Variants in ARMCX4 observed in about 807,000 individuals in gnomAD.
The protein encoded by ARMCX4 is armadillo repeat containing X-linked 4, also known as armadillo repeat-containing X-linked protein 4.
In ARMCX4, 3 loss-of-function variants were observed where a neutral mutation model predicts 34.7. The ratio of observed to expected loss-of-function variants is 0.09; its 90% CI spans 0.04 to 0.22. The LOEUF is 0.22. Ranked by LOEUF, ARMCX4 falls within the 10% of genes least tolerant of loss-of-function variation. The pLI is 1.00. For synonymous variants in ARMCX4, 513 were observed against 632.8 expected (o/e 0.81, Z 2.84); for missense variants, 1,448 against 1,720.8 (o/e 0.84, Z 2.81).
chrX:101,469,786 A>T (rs147872049), intron 4 of ARMCX4, among the ~76,000 whole-genome samples: 1,999 of 111,301 alleles, frequency 0.018, 49 homozygotes, highest in African/African-American at 0.062. Flanking sequence ...CAAATTGAGG[A>T]CTAGCTAAAA....
chrX:101,526,362 C>A (rs1461589541), intron 11 of ARMCX4, among the ~76,000 whole-genome samples: 3 of 111,843 alleles, frequency 2.7e-5, no homozygotes, highest in Non-Finnish European at 5.6e-5. Flanking sequence ...ACAACCGGTA[C>A]CAGCCACTGC....
chrX:101,466,570 GCAA>G lies in ARMCX4; in HGVS notation c.-472-19447_-472-19445del, dbSNP rs1288504374. ...AAGAAGGACCAAGCAATTAATACAA[GCAA>G]CAACATGAATGAAGCTCAAAAGCAC... On this transcript the variant is annotated intron_variant and NMD_transcript_variant, in intron 4 of 15. Coordinates refer to the ARMCX4 transcript ENST00000433011. 2.7e-5 allele frequency among the ~76,000 whole-genome samples: 3 copies of G among 112,315 alleles called. No homozygotes were observed. The East Asian group carries it at 8.4e-4, about 31-fold the overall frequency.
At chrX:101,438,867 T>G (rs1448625474) in intron 2 of ARMCX4, among the ~76,000 whole-genome samples, 2 of 111,494 alleles carry the variant, frequency 1.8e-5, no homozygotes, top group African/African-American at 6.5e-5. Flanking sequence ...TGTGTGTCTC[T>G]GCATGTGAGA....
At chrX:101,529,970 G>C (rs781852081) in intron 11 of ARMCX4, among the ~76,000 whole-genome samples, 4 of 111,449 alleles carry the variant, frequency 3.6e-5, no homozygotes, top group Non-Finnish European at 7.5e-5. Context: ...TTGACCCAGC[G>C]ATCCCATTAC....
chrX:101,421,941 C>CA (rs1555990172), intron 2 of ARMCX4, among the ~76,000 whole-genome samples: 2 of 108,900 alleles, frequency 1.8e-5, no homozygotes, highest in Non-Finnish European at 1.9e-5. Flanking sequence ...TGCAGGAGAC[C>CA]AGAGTTTTGT....
chrX:101,525,003 T>C (rs1203554238), intron 11 of ARMCX4, among the ~76,000 whole-genome samples: 1 of 111,853 alleles, frequency 8.9e-6, no homozygotes, highest in Non-Finnish European at 1.9e-5. Context: ...CTCAAGTGGG[T>C]CCCTGACTCC....
chrX:101,492,261 G>T lies in ARMCX4; in HGVS notation c.3672G>T (p.Trp1224Cys). Residue 1224 changes from tryptophan to cysteine, a missense_variant, in exon 6 of 6, where the codon TGG becomes TGT. Trp to Cys is a radical substitution (Grantham distance 215). Transcript: ENST00000423738. ...AGAACCAGGCCAGTGGGGGGTCTTG[G>T]GCTCTCGCTGGGAATCAGGCCATTG... ...GAENQASGGS[W>C]ALAGNQAIGE... The T allele has an allele frequency of 8.8e-7, 1 of 1,141,756 alleles. No homozygotes were observed. Among genetic ancestry groups the T allele is most frequent in the Non-Finnish European group, 1.2e-6 (1 of 865,889 alleles). The allele number at this position is 1,141,756 out of a possible 1,213,427, so 94.1% of individuals were successfully genotyped here.
intron 11 of ARMCX4, among the ~76,000 whole-genome samples, chrX:101,526,513 G>A (rs782626630): frequency 8.9e-6 from 1 of 111,831 alleles, no homozygotes; most frequent in South Asian, 3.8e-4. Flanking sequence ...TGGGCTAAAT[G>A]CCCCAATTAA....
rs782295953 is a variant in ARMCX4 at position 101,489,817 on chromosome X, G to A, written c.1228G>A (p.Ala410Thr). The A allele has an allele frequency of 3.5e-5, 40 of 1,154,304 alleles. No homozygotes were observed. The highest frequency in any genetic ancestry group is 2.0e-4 in the African/African-American group (11 of 55,803). ...AQPQAVASTH[A>T]EAMSDAKVKN... ...GCCTCAAGCTGTTGCCAGTACTCAC[G>A]CTGAGGCCATGTCTGATGCTAAGGT... The change falls in exon 6 of 6, where the codon GCT (alanine) becomes ACT (threonine). Residue 410 changes from alanine (A) to threonine (T), a missense_variant. Physicochemically the swap from Ala to Thr is moderately conservative, Grantham distance 58. This residue lies in a region of ARMCX4 where 1,343 missense variants were observed against 1,540.7 expected (regional missense o/e 0.87). Coordinates refer to ENST00000423738, the MANE Select transcript of ARMCX4 (RefSeq NM_001256155.3).
At chrX:101,481,774 T>A (rs4986649), upstream of ARMCX4, among the ~76,000 whole-genome samples, 25 of 110,419 alleles carry the variant, frequency 2.3e-4, no homozygotes, top group Non-Finnish European at 1.5e-4. Context: ...TGGCAAAGCT[T>A]TATGTGCCAG....
At chrX:101,465,888 T>C (rs532193407) in intron 4 of ARMCX4, among the ~76,000 whole-genome samples, 1 of 112,237 alleles carries the variant, frequency 8.9e-6, no homozygotes, top group East Asian at 2.8e-4. Flanking sequence ...TTTAAAATTA[T>C]TAAAATTATA....
chrX:101,477,562 A>ATGGAAAAAT (rs1290386542), intron 4 of ARMCX4, among the ~76,000 whole-genome samples: 2 of 109,366 alleles, frequency 1.8e-5, no homozygotes, highest in Non-Finnish European at 3.8e-5. Context: ...CCTTTAAGGA[A>ATGGAAAAAT]TGGAAAAATT....
downstream of ARMCX4, among the ~76,000 whole-genome samples, chrX:101,451,982 G>C (rs1451154563): frequency 8.9e-6 from 1 of 111,759 alleles, no homozygotes; most frequent in African/African-American, 3.2e-5. Flanking sequence ...ATAAGGTTCA[G>C]GGAAGTTTAA....
At chrX:101,456,101 A>G (rs1196385131) in intron 4 of ARMCX4, among the ~76,000 whole-genome samples, 1 of 111,345 alleles carries the variant, frequency 9.0e-6, no homozygotes, top group African/African-American at 3.3e-5. Context: ...CATGTCTGCT[A>G]TTGTGAATAG....
chrX:101,493,387 G>T lies in ARMCX4; in HGVS notation c.4798G>T (p.Gly1600Trp). The change falls in exon 6 of 6, where the codon GGG becomes TGG. Residue 1600 changes from glycine (G) to tryptophan (W), a missense_variant. Transcript: ENST00000423738. ...GDQTGGGSRPGSEDQSSGIGS... is the reference protein window; with the variant it reads ...GDQTGGGSRPWSEDQSSGIGS... ...CCAGACTGGTGGAGGCTCCAGGCCA[G>T]GGTCTGAGGATCAGTCCAGTGGAAT... is the stretch of plus-strand genomic sequence containing the variant. 1.7e-6 allele frequency: 2 copies of T among 1,155,278 alleles called. No individual in the cohort carries two copies. Among genetic ancestry groups the T allele is most frequent in the Non-Finnish European group, 2.3e-6 (2 of 872,655 alleles).
At position 101,516,872 on chromosome X, in the gene ARMCX4, T is replaced by A. The variant is rs1375994740; in HGVS notation, c.*1780+5817T>A. On this transcript the variant is annotated intron_variant and NMD_transcript_variant, in intron 11 of 12. Coordinates refer to the ARMCX4 transcript ENST00000354842. ...AAGCCTTTGTCTTTTTGCAGTCAGC[T>A]CCTCTCTTCCTGATTTGCTTGTTGC... is the stretch of plus-strand genomic sequence containing the variant. 2.7e-5 allele frequency: 3 copies of A among 111,309 alleles called. No individual in the cohort carries two copies. In the Admixed American group the frequency reaches 2.9e-4, roughly 11 times the overall value. 9.2% of individuals were successfully genotyped at this position (111,309 alleles called of 1,213,427 possible).
chrX:101,478,433 A>T (rs1193626868), intron 4 of ARMCX4, among the ~76,000 whole-genome samples: 1 of 112,175 alleles, frequency 8.9e-6, no homozygotes, highest in African/African-American at 3.2e-5. Context: ...ATTCAACAAA[A>T]TGCAGAAAAA....
At chrX:101,434,913 T>A (rs1930608089) in intron 2 of ARMCX4, among the ~76,000 whole-genome samples, 1 of 109,859 alleles carries the variant, frequency 9.1e-6, no homozygotes, top group African/African-American at 3.3e-5. Flanking sequence ...TTGCGATAGT[T>A]TGCTGAGAAT....
Position 101,495,737 on chromosome X carries a change from A to G in ARMCX4, c.*275A>G, listed in dbSNP as rs782126110. On this transcript the variant is annotated 3_prime_UTR_variant, in exon 6 of 6. Transcript: ENST00000423738. ...AGGTAATCTTTGGTCCTTTGTGTGGACTTATGTTTATACATTTAAGACTAT... is the reference window on the plus strand; with the variant it reads ...AGGTAATCTTTGGTCCTTTGTGTGGGCTTATGTTTATACATTTAAGACTAT... 8.4e-6 allele frequency: 2 copies of G among 239,409 alleles called. No individual in the cohort carries two copies. Among genetic ancestry groups the G allele is most frequent in the East Asian group, 7.2e-5 (1 of 13,869 alleles). The allele number at this position is 239,409 out of a possible 1,213,427, so 19.7% of individuals were successfully genotyped here. A position where few individuals can be genotyped will look rare whatever the true frequency, so the allele number is the denominator to read the frequency against.
Sources: allele counts gnomAD v4.1 joint callset (sites outside exome capture counted in the v4.1 genomes callset), GRCh38; gene constraint gnomAD v4.1.1; regional missense constraint gnomAD v4.1.1; transcripts MANE v1.5; gene names NCBI Gene and HGNC (gene_info 2026-07-23, HGNC 2026-07-21).